MYO10: variants seen among roughly 807,000 people sequenced by gnomAD.
MYO10 encodes unconventional myosin-X.
In MYO10, 133 loss-of-function variants were observed where a neutral mutation model predicts 257.3. That is an observed-to-expected ratio of 0.52 (90% CI 0.45 to 0.60). The LOEUF (loss-of-function observed/expected upper bound fraction) is 0.60. Among genes scored for constraint, MYO10 ranks in the 20% least tolerant of loss-of-function variants. The probability of loss-of-function intolerance (pLI) is 0.00; values close to 1 mark genes in which losing one functional copy is unlikely to be tolerated. For synonymous variants in MYO10, 1,104 were observed against 1,028.6 expected, an observed-to-expected ratio of 1.07 and a Z score of -1.40; for missense variants, 2,399 against 2,635.7, an observed-to-expected ratio of 0.91 and a Z score of 1.97.
chr5:16,681,971 G>T lies in MYO10; in HGVS notation c.4089C>A (p.His1363Gln). The change falls in exon 31 of 41, where the codon CAC becomes CAA. Residue 1363 changes from histidine to glutamine, a missense_variant. Transcript: ENST00000513610. ...TCTCCTCCGGCGTGTCGGCGTTGCA[G>T]TGCAGCACCCGGTTGGCCGTGATGA... is the stretch of plus-strand genomic sequence containing the variant. ...FVIITANRVLHCNADTPEEMH... is the reference protein window; with the variant it reads ...FVIITANRVLQCNADTPEEMH... 6.2e-7 allele frequency: 1 copy of T among 1,613,902 alleles called. No individual in the cohort carries two copies. Among genetic ancestry groups the T allele is most frequent in the Non-Finnish European group, 8.5e-7 (1 of 1,179,892 alleles).
chr5:16,868,345 C>A (rs555615503), intron 2 of MYO10, among the ~76,000 whole-genome samples: 8 of 152,298 alleles, frequency 5.3e-5, no homozygotes, highest in African/African-American at 1.4e-4. Flanking sequence ...TGGCTCATGT[C>A]TGTAATCCCA....
At chr5:16,854,784 C>G (rs1347727407) in intron 2 of MYO10, among the ~76,000 whole-genome samples, 1 of 152,152 alleles carries the variant, frequency 6.6e-6, no homozygotes, top group Non-Finnish European at 1.5e-5. Context: ...GTAATCCCAG[C>G]ACTTTGGAAG....
At chr5:16,808,028 C>T (rs746814217) in intron 3 of MYO10, among the ~76,000 whole-genome samples, 3 of 152,166 alleles carry the variant, frequency 2.0e-5, no homozygotes, top group East Asian at 1.9e-4. Flanking sequence ...CCAGGCAGGG[C>T]GGCATCAGCA....
intron 17 of MYO10, among the ~76,000 whole-genome samples, chr5:16,760,177 C>A (rs1351265209): frequency 6.6e-6 from 1 of 151,518 alleles, no homozygotes; most frequent in Non-Finnish European, 1.5e-5. Flanking sequence ...TTCCGCCGGG[C>A]ATGGTGGCTC....
At chr5:16,764,788 A>C (rs2126652711) in intron 11 of MYO10, among the ~76,000 whole-genome samples, 1 of 152,268 alleles carries the variant, frequency 6.6e-6, no homozygotes, top group South Asian at 2.1e-4. Flanking sequence ...TCCCAGGTTC[A>C]AGCGATTCTC....
chr5:16,689,834 C>T lies in MYO10; in HGVS notation c.3886G>A (p.Glu1296Lys). 1 of 1,612,540 alleles carries T rather than the reference C, an allele frequency of 6.2e-7. No homozygotes were observed. Among genetic ancestry groups the T allele is most frequent in the Non-Finnish European group, 8.5e-7 (1 of 1,178,680 alleles). Residue 1296 changes from glutamate (E) to lysine (K), a missense_variant, in exon 28 of 41, where the codon GAA becomes AAA. Glu to Lys is a moderately conservative substitution (Grantham distance 56, BLOSUM62 1). Transcript: ENST00000513610. ...ACAGCGCAGACTCACCTGGCATCTT[C>T]TGGGGACTCTGCAATCAGGTGGAAA... The part of the protein sequence containing the change: ...RTFHLIAESP[E>K]DASQWFSVLS...
chr5:16,730,286 C>G (rs1037522228), intron 19 of MYO10, among the ~76,000 whole-genome samples: 2 of 152,120 alleles, frequency 1.3e-5, no homozygotes, highest in African/African-American at 4.8e-5. Context: ...CCGTGTAGGT[C>G]ATTATTGGCA....
rs547021436 is a variant in MYO10 at position 16,843,628 on chromosome 5, T to C, written c.121-25461A>G. Among the ~76,000 whole-genome samples, 258 of 152,314 alleles carry C rather than the reference T, an allele frequency of 1.7e-3. 3 individuals carry two copies. The highest frequency in any genetic ancestry group is 5.7e-3 in the African/African-American group (237 of 41,578). On this transcript the variant is annotated intron_variant, in intron 2 of 40. Transcript: ENST00000513610. Reference sequence around the variant, plus strand: ...AGGTCCTGGACTCCCTTGTCTAACTTTCTATCAGCAAGCACTCTTGACTGC... The same window carrying C: ...AGGTCCTGGACTCCCTTGTCTAACTCTCTATCAGCAAGCACTCTTGACTGC...
intron 1 of MYO10, among the ~76,000 whole-genome samples, chr5:16,889,492 AAGGAAGGAAGGAAGGAAGGAAGGAAGG>A: frequency 2.0e-5 from 1 of 51,162 alleles, no homozygotes; most frequent in South Asian, 4.9e-4. Context: ...GGAAGGAAGG[AAGGAAGGAAGGAAGGAAGGAAGGAAGG>A]AAGGAAGGAA....
intron 3 of MYO10, among the ~76,000 whole-genome samples, chr5:16,796,217 G>GCA (rs1553997196): frequency 8.0e-5 from 3 of 37,416 alleles, no homozygotes; most frequent in East Asian, 9.7e-4. Flanking sequence ...AGAACAGAGA[G>GCA]AGAGCGAGAA....
At chr5:16,752,699 C>T (rs1224408016) in intron 19 of MYO10, among the ~76,000 whole-genome samples, 1 of 152,164 alleles carries the variant, frequency 6.6e-6, no homozygotes, top group Non-Finnish European at 1.5e-5. Context: ...CTGAGCAACT[C>T]CTGGGAGTCT....
intron 3 of MYO10, among the ~76,000 whole-genome samples, chr5:16,812,885 A>G (rs2126699124): frequency 6.6e-6 from 1 of 152,248 alleles, no homozygotes; most frequent in Non-Finnish European, 1.5e-5. Flanking sequence ...TAGTGAAGAA[A>G]AGGGAAGATC....
chr5:16,777,839 C>CCTTTTTT lies in MYO10; in HGVS notation c.930+1705_930+1706insAAAAAAG, dbSNP rs1560979466. 1.2e-4 allele frequency among the ~76,000 whole-genome samples: 11 copies of CCTTTTTT among 88,478 alleles called. 1 individual carries two copies. Among genetic ancestry groups the CCTTTTTT allele is most frequent in the African/African-American group, 3.2e-4 (6 of 18,652 alleles). The allele number at this position is 88,478 out of a possible 152,430, so 58.0% of individuals were successfully genotyped here. On this transcript the variant is annotated intron_variant, in intron 9 of 40. Coordinates refer to ENST00000513610, the MANE Select transcript of MYO10 (RefSeq NM_012334.3). ...GCCACCCTAGGTGCATTGCATCTAA[C>CCTTTTTT]TTTTTTTTTTTTTTTTTTTTTTTTT...
intron 1 of MYO10, among the ~76,000 whole-genome samples, chr5:16,926,001 T>G (rs1414820226): frequency 6.6e-6 from 1 of 152,192 alleles, no homozygotes; most frequent in Non-Finnish European, 1.5e-5. Context: ...TAACATTAAC[T>G]GATTGTACAT....
intron 9 of MYO10, among the ~76,000 whole-genome samples, chr5:16,777,684 G>A (rs1741260084): frequency 6.6e-6 from 1 of 151,966 alleles, no homozygotes; most frequent in Non-Finnish European, 1.5e-5. Flanking sequence ...GTCTTAGAAT[G>A]GAGACAACCA....
chr5:16,868,717 C>T (rs772412059), intron 2 of MYO10, among the ~76,000 whole-genome samples: 38 of 152,146 alleles, frequency 2.5e-4, no homozygotes, highest in Non-Finnish European at 4.4e-4. Flanking sequence ...GTGCTGGGGC[C>T]TTCAGAGGCC....
At chr5:16,897,282 C>T (rs947204246) in intron 1 of MYO10, among the ~76,000 whole-genome samples, 17 of 146,442 alleles carry the variant, frequency 1.2e-4, no homozygotes, top group African/African-American at 4.2e-4. Flanking sequence ...AAGTAAATAT[C>T]GCCTGAAATT....
In MYO10 at chr5:16,668,367, C is replaced by A. The variant is rs983676028; in HGVS notation, c.5985G>T (p.Gln1995His). Residue 1995 changes from glutamine to histidine, a missense_variant, in exon 40 of 41, where the codon CAG becomes CAT. Gln to His is a conservative substitution (Grantham distance 24, BLOSUM62 0). This residue lies in a region of MYO10 where 1,820 missense variants were observed against 1,939.4 expected (regional missense o/e 0.94). Transcript: ENST00000513610. Reference protein sequence around the residue: ...RGEGRPLEVFQYEHILSFGAP... With the variant: ...RGEGRPLEVFHYEHILSFGAP... ...CCCCAAAAGAGAGGATGTGTTCATACTGGAAGACTTCCAGTGGTCTTCCCT... is the reference window on the plus strand; with the variant it reads ...CCCCAAAAGAGAGGATGTGTTCATAATGGAAGACTTCCAGTGGTCTTCCCT... The A allele has an allele frequency of 1.9e-6, 3 of 1,613,890 alleles. No homozygotes were observed. The African/African-American group carries it at 4.0e-5, about 22-fold the overall frequency.
intron 2 of MYO10, among the ~76,000 whole-genome samples, chr5:16,842,953 A>T (rs534208229): frequency 7.2e-5 from 11 of 151,814 alleles, no homozygotes; most frequent in African/African-American, 2.7e-4. Context: ...GAACTTTGAA[A>T]TACAGGCTGC....
Sources: gnomAD v4.1 joint callset for allele counts (sites outside exome capture counted in the v4.1 genomes callset) on GRCh38, gnomAD v4.1.1 for gene constraint, gnomAD v4.1.1 regional missense constraint, MANE v1.5 for transcripts, NCBI Gene and HGNC (gene_info 2026-07-23, HGNC 2026-07-21) for gene names.